Variants in MYO19 observed in about 807,000 individuals in gnomAD.
The protein encoded by MYO19 is unconventional myosin-XIX.
Under a neutral mutation model 129.2 loss-of-function variants are expected in MYO19, and 132 were observed. The observed-to-expected ratio is 1.02, with a 90% confidence interval of 0.89 to 1.18. The LOEUF is 1.18. Among genes scored for constraint, MYO19 ranks in the 50% most tolerant of loss-of-function variants. The pLI, the probability that MYO19 is intolerant of heterozygous loss-of-function variation, is 0.00. For synonymous variants in MYO19, 531 were observed against 477.2 expected, an observed-to-expected ratio of 1.11 and a Z score of -1.47; for missense variants, 1,210 against 1,216.7, an observed-to-expected ratio of 0.99 and a Z score of 0.08.
chr17:36,498,664 G>A, intron 24 of MYO19, 105 bp from the exon 25 acceptor site: 1 of 1,325,514 alleles, frequency 7.5e-7, no homozygotes, highest in South Asian at 1.5e-5. Flanking sequence ...AAGGTGAACT[G>A]AAGGCACCTG....
At position 36,507,937 on chromosome 17, in the gene MYO19, C is replaced by A; in HGVS notation, c.1232-13G>T. 6.3e-7 allele frequency: 1 copy of A among 1,588,388 alleles called. No individual in the cohort carries two copies. ...ACATCCAGCAGGCCTGGGAAGATGG[C>A]AGAGAACCCATGGGGCCACTGCAGG... On this transcript the variant is annotated splice_polypyrimidine_tract_variant and intron_variant, in intron 14 of 25. Transcript: ENST00000614623.
At chr17:36,506,241 G>A (rs945306000) in intron 18 of MYO19, among the ~76,000 whole-genome samples, 4 of 152,222 alleles carry the variant, frequency 2.6e-5, no homozygotes, top group Middle Eastern at 3.4e-3. Flanking sequence ...GCCCCCATAG[G>A]CCCCTAGACT....
Position 36,515,709 on chromosome 17 carries a change from G to A in MYO19, c.547+149C>T, listed in dbSNP as rs1017964588. 9.7e-5 allele frequency: 72 copies of A among 740,322 alleles called. No individual in the cohort carries two copies. In the African/African-American group the frequency reaches 1.2e-3, roughly 12 times the overall value. The allele number at this position is 740,322 out of a possible 1,614,324, so 45.9% of individuals were successfully genotyped here. The stretch of plus-strand genomic sequence containing the variant: ...TAGAATGATGCTAAGGAGTACCAGG[G>A]AGAGGTTGGGGATCTGAGGCAGTGA... On this transcript the variant is annotated intron_variant, in intron 7 of 25. Coordinates refer to ENST00000614623, the MANE Select transcript of MYO19 (RefSeq NM_001163735.2).
intron 18 of MYO19, 60 bp from the exon 19 acceptor site, chr17:36,505,464 G>T: frequency 7.7e-7 from 1 of 1,302,098 alleles, no homozygotes; most frequent in South Asian, 1.3e-5. Flanking sequence ...CCATCAACTG[G>T]GCTCTGGTTA....
Position 36,525,285 on chromosome 17 carries a change from G to A in MYO19, c.357C>T (p.Ser119=), listed in dbSNP as rs2073394971. 1 of 1,613,774 alleles carries A rather than the reference G, an allele frequency of 6.2e-7. No individual in the cohort carries two copies. The highest frequency in any genetic ancestry group is 1.3e-5 in the African/African-American group (1 of 74,928). ...VGEQTYRNVK[S]LIEPVNQSIV... ...TAGACTGGTTGACTGGTTCAATCAG[G>A]CTCTTGACATTCCTGTAGGTCTGTT... The change falls in exon 6 of 26, where the codon AGC becomes AGT. Residue 119 remains serine (S), a synonymous_variant. Coordinates refer to ENST00000614623, the MANE Select transcript of MYO19 (RefSeq NM_001163735.2).
rs1433446704 is a variant in MYO19 at position 36,534,818 on chromosome 17, CG to C, written c.-354del. Reference sequence around the variant, plus strand: ...CCCCCGCCCGGCCAGACTGGAAAGGCGGGCGGGCCAGGTCAGGCGGCGGGAA... The same window carrying C: ...CCCCCGCCCGGCCAGACTGGAAAGGCGGCGGGCCAGGTCAGGCGGCGGGAA... On this transcript the variant is annotated 5_prime_UTR_variant, in exon 1 of 26. Transcript: ENST00000614623. 1 of 152,476 alleles carries C rather than the reference CG, an allele frequency of 6.6e-6. No individual in the cohort carries two copies. The highest frequency in any genetic ancestry group is 1.5e-5 in the Non-Finnish European group (1 of 68,274). The allele number at this position is 152,476 out of a possible 1,614,324, so 9.4% of individuals were successfully genotyped here.
At chr17:36,516,441 A>G (rs752697775) in intron 6 of MYO19, among the ~76,000 whole-genome samples, 2 of 151,478 alleles carry the variant, frequency 1.3e-5, no homozygotes, top group African/African-American at 2.4e-5. Context: ...CACAATCTCA[A>G]CTCTCTGCAA....
Position 36,528,178 on chromosome 17 carries a change from CAGACCCCGG to C in MYO19, c.28_36del (p.Pro10_Ser12del), listed in dbSNP as rs771134252. Reference sequence around the variant, plus strand: ...CTGAGGTACTCCCTGGCTTGGCCATCAGACCCCGGATTGTGGCCATTGACCTGGAAGAGA... The same window carrying C: ...CTGAGGTACTCCCTGGCTTGGCCATCATTGTGGCCATTGACCTGGAAGAGA... On this transcript the variant is annotated inframe_deletion, in exon 4 of 26. Coordinates refer to ENST00000614623, the MANE Select transcript of MYO19 (RefSeq NM_001163735.2). 1.9e-6 allele frequency: 3 copies of C among 1,596,474 alleles called. No individual in the cohort carries two copies. In the African/African-American group the frequency reaches 4.0e-5, roughly 21 times the overall value.
chr17:36,537,890 T>C, upstream of MYO19: 1 of 1,614,128 alleles, frequency 6.2e-7, no homozygotes, highest in Non-Finnish European at 8.5e-7. Context: ...AGTCCTGGAT[T>C]ATTGCCCTCG....
chr17:36,519,052 G>A (rs1306033707), intron 6 of MYO19, among the ~76,000 whole-genome samples: 3 of 152,176 alleles, frequency 2.0e-5, no homozygotes, highest in African/African-American at 4.8e-5. Flanking sequence ...AAGCCACCAC[G>A]CTTGGCTAAT....
At position 36,528,222 on chromosome 17, in the gene MYO19, G is replaced by A; in HGVS notation, c.13-20C>T. ...ATTGACCTGGAAGAGATAACGTGAA[G>A]GTGAGGCCAGGCACAGTGGCTCATG... On this transcript the variant is annotated intron_variant, in intron 3 of 25. Transcript: ENST00000614623. The A allele has an allele frequency of 6.4e-7, 1 of 1,554,232 alleles. No homozygotes were observed. Among genetic ancestry groups the A allele is most frequent in the Non-Finnish European group, 8.7e-7 (1 of 1,148,302 alleles).
rs1447940640 is a variant in MYO19 at position 36,518,457 on chromosome 17, T to C, written c.415-2467A>G. Among the ~76,000 whole-genome samples the C allele has an allele frequency of 8.4e-5, 10 of 119,152 alleles. No homozygotes were observed. In the Admixed American group the frequency reaches 1.1e-3, roughly 13 times the overall value. The allele number at this position is 119,152 out of a possible 152,430, so 78.2% of individuals were successfully genotyped here. On this transcript the variant is annotated intron_variant, in intron 6 of 25. Transcript: ENST00000614623. ...TTGCAGTGAGCTGAGATCACACCAC[T>C]GTACTCCAGCCTGGGCCAGAGGATC...
chr17:36,537,021 A>G, upstream of MYO19: 4 of 1,340,004 alleles, frequency 3.0e-6, no homozygotes. Flanking sequence ...TAAGAGTAAA[A>G]TTAAGCCAGG....
chr17:36,526,893 A>G (rs894911689), intron 5 of MYO19, among the ~76,000 whole-genome samples: 21 of 151,938 alleles, frequency 1.4e-4, no homozygotes, highest in African/African-American at 5.1e-4. Flanking sequence ...TCTCAAAATA[A>G]ATAGGGCCGG....
intron 6 of MYO19, among the ~76,000 whole-genome samples, chr17:36,517,814 T>C (rs2072855684): frequency 1.3e-5 from 2 of 151,918 alleles, no homozygotes; most frequent in Non-Finnish European, 2.9e-5. Context: ...TGACGCCAGG[T>C]GCGGTGGCTC....
intron 5 of MYO19, among the ~76,000 whole-genome samples, chr17:36,525,854 C>A (rs780644830): frequency 1.3e-5 from 2 of 152,180 alleles, no homozygotes; most frequent in Non-Finnish European, 2.9e-5. Flanking sequence ...CTTCAATGTA[C>A]TAGGCATCAA....
In MYO19 at chr17:36,511,369, G is replaced by T; in HGVS notation, c.981C>A (p.Ala327=). The T allele has an allele frequency of 6.4e-7, 1 of 1,574,780 alleles. No individual in the cohort carries two copies. The highest frequency in any genetic ancestry group is 8.6e-7 in the Non-Finnish European group (1 of 1,160,094). ...EAQPCQPMDD[A]KYSVRTAASL... is the part of the protein sequence containing the mutation. ...ATCCTACACCCTGACCCTCACACTTGGCATCATCCATCGGCTGGCAGGGCT... is the reference window on the plus strand; with the variant it reads ...ATCCTACACCCTGACCCTCACACTTTGCATCATCCATCGGCTGGCAGGGCT... Residue 327 remains alanine (A), a synonymous_variant, in exon 12 of 26, where the codon GCC becomes GCA. Transcript: ENST00000614623.
At chr17:36,512,196 A>AACAC (rs57765074) in intron 11 of MYO19, among the ~76,000 whole-genome samples, 23,609 of 137,946 alleles carry the variant, frequency 0.17, 2,076 homozygotes, top group African/African-American at 0.2. Flanking sequence ...ACTAAAAATA[A>AACAC]ACACACACAC....
At position 36,508,149 on chromosome 17, in the gene MYO19, G is replaced by T. The variant is rs766370570; in HGVS notation, c.1232-225C>A. The stretch of plus-strand genomic sequence containing the variant: ...CATTCCCCTGTAGAGCTCAGAGCAA[G>T]CAGGAAACCCAAATGAAGTGTGAAG... On this transcript the variant is annotated intron_variant, in intron 14 of 25. Coordinates refer to ENST00000614623, the MANE Select transcript of MYO19 (RefSeq NM_001163735.2). 1.3e-5 allele frequency: 5 copies of T among 395,314 alleles called. No individual in the cohort carries two copies. In the Admixed American group the frequency reaches 1.6e-4, roughly 13 times the overall value. 24.5% of individuals were successfully genotyped at this position (395,314 alleles called of 1,614,324 possible).
Sources: allele counts gnomAD v4.1 joint callset (sites outside exome capture counted in the v4.1 genomes callset), GRCh38; gene constraint gnomAD v4.1.1; transcripts MANE v1.5; gene names NCBI Gene and HGNC (gene_info 2026-07-23, HGNC 2026-07-21).